The following DISP3 variants were observed in gnomAD, a reference collection of about 807,000 sequenced individuals.
DISP3 encodes dispatched RND transporter family member 3.
A neutral mutation model predicts 135.3 loss-of-function variants in DISP3; 101 were observed. The observed-to-expected ratio is 0.75, with a 90% CI of 0.64 to 0.88. The LOEUF (loss-of-function observed/expected upper bound fraction) is 0.88. Ranked by LOEUF, DISP3 falls within the 40% of genes least tolerant of loss-of-function variation. DISP3 has a pLI of 0.00. For missense variants in DISP3, 1,713 were observed against 1,878.6 expected (o/e 0.91, Z 1.63); for synonymous variants, 856 against 817.0 (o/e 1.05, Z -0.81).
Position 11,537,161 on chromosome 1 carries a change from G to A in DISP3, c.*475G>A, listed in dbSNP as rs980933966. On this transcript the variant is annotated 3_prime_UTR_variant, in exon 21 of 21. Coordinates refer to ENST00000294484, the MANE Select transcript of DISP3 (RefSeq NM_020780.2). ...CCTCCGAGCGCCATGCCGCCCTCGGGAATCATACAGGAAGAGCACAGTGGA... is the reference window on the plus strand; with the variant it reads ...CCTCCGAGCGCCATGCCGCCCTCGGAAATCATACAGGAAGAGCACAGTGGA... 1.2e-5 allele frequency: 2 copies of A among 161,474 alleles called. No individual in the cohort carries two copies. The highest frequency in any genetic ancestry group is 2.7e-5 in the Non-Finnish European group (2 of 73,828). The allele number at this position is 161,474 out of a possible 1,614,324, so 10.0% of individuals were successfully genotyped here. A position where few individuals can be genotyped will look rare whatever the true frequency, so the allele number is the denominator to read the frequency against.
In DISP3 at chr1:11,499,621, C is replaced by G. The variant is rs1641443243; in HGVS notation, c.-3-1369C>G. ...TCCTGCAAGTCTTCCGCTGCGCACC[C>G]CTCCTCTCCCCCACATCCTCAGTCA... On this transcript the variant is annotated intron_variant, in intron 1 of 20. Coordinates refer to ENST00000294484, the MANE Select transcript of DISP3 (RefSeq NM_020780.2). The surrounding 1 kb of genome is among the most constrained non-coding windows in gnomAD (Gnocchi z 5.2). Among the ~76,000 whole-genome samples the G allele has an allele frequency of 1.3e-5, 2 of 152,074 alleles. No homozygotes were observed. The highest frequency in any genetic ancestry group is 4.1e-4 in the South Asian group (2 of 4,820).
intron 18 of DISP3, chr1:11,534,752 TG>T: frequency 8.9e-6 from 7 of 784,624 alleles, no homozygotes; most frequent in Non-Finnish European, 1.2e-5. Context: ...ATCTGGACTT[TG>T]GCCACCTAAA....
In DISP3 at chr1:11,502,734, C is replaced by T. The variant is rs1641585332; in HGVS notation, c.1153C>T (p.Leu385Phe). Reference protein sequence around the residue: ...PEFYWYVDEGLSADNLKSSLL... With the variant: ...PEFYWYVDEGFSADNLKSSLL... The stretch of plus-strand genomic sequence containing the variant: ...GTTCTACTGGTATGTGGATGAGGGC[C>T]TCTCTGCAGACAATCTGAAGAGCTC... Residue 385 changes from leucine (L) to phenylalanine (F), a missense_variant, in exon 3 of 21, where the codon CTC (leucine) becomes TTC (phenylalanine). Physicochemically the swap from Leu to Phe is conservative, Grantham distance 22. Transcript: ENST00000294484. 2 of 1,614,190 alleles carry T rather than the reference C, an allele frequency of 1.2e-6. No individual in the cohort carries two copies. The highest frequency in any genetic ancestry group is 1.7e-6 in the Non-Finnish European group (2 of 1,180,036).
chr1:11,533,557 G>A (rs1231895248), intron 17 of DISP3: 11 of 532,808 alleles, frequency 2.1e-5, no homozygotes, highest in Admixed American at 3.1e-5. Context: ...GCGCCCAGCC[G>A]GTGACTGGCT....
intron 19 of DISP3, 150 bp from the exon 20 acceptor site, chr1:11,535,328 T>TA (rs1293196241): frequency 2.2e-5 from 25 of 1,162,754 alleles, no homozygotes; most frequent in Non-Finnish European, 1.8e-5. Context: ...AGTGATGTGT[T>TA]ACTGCACCTG....
At chr1:11,512,305 A>G (rs927992431) in intron 3 of DISP3, among the ~76,000 whole-genome samples, 1 of 151,810 alleles carries the variant, frequency 6.6e-6, no homozygotes, top group Non-Finnish European at 1.5e-5. Flanking sequence ...CCAAACTTTT[A>G]TGCTCTACTT....
chr1:11,534,523 T>C lies in DISP3; in HGVS notation c.3518T>C (p.Ile1173Thr). The part of the protein sequence containing the change: ...GFQTCEHWKQ[I>T]FMEIVGVQSA... ...CAGACCTGCGAGCACTGGAAGCAGA[T>C]ATTCATGGAAATCGTAGGCAAGCGG... The change falls in exon 18 of 21, where the codon ATA becomes ACA. Residue 1173 changes from isoleucine (I) to threonine (T), a missense_variant. Physicochemically the swap from Ile to Thr is moderately conservative, Grantham distance 89. This residue lies in a region of DISP3 where 1,142 missense variants were observed against 1,384.6 expected (regional missense o/e 0.82). Coordinates refer to ENST00000294484, the MANE Select transcript of DISP3 (RefSeq NM_020780.2). The C allele has an allele frequency of 6.2e-7, 1 of 1,609,416 alleles. No homozygotes were observed. The highest frequency in any genetic ancestry group is 8.5e-7 in the Non-Finnish European group (1 of 1,176,692).
chr1:11,523,833 G>C (rs1415757177), intron 10 of DISP3, 109 bp from the exon 11 acceptor site: 1 of 797,398 alleles, frequency 1.3e-6, no homozygotes, highest in Non-Finnish European at 2.0e-6. Flanking sequence ...CAGTCCCTGG[G>C]CCCCAGTTCC....
intron 11 of DISP3, 36 bp from the exon 12 acceptor site, chr1:11,525,140 A>C (rs1642375002): frequency 1.2e-6 from 2 of 1,608,636 alleles, no homozygotes; most frequent in East Asian, 4.5e-5. Flanking sequence ...AGTCGAGGTC[A>C]AGTCCACCCC....
At position 11,514,459 on chromosome 1, in the gene DISP3, C is replaced by T. The variant is rs1397024002; in HGVS notation, c.1386C>T (p.Asp462=). The part of the protein sequence containing the change: ...DYEVRRTFNN[D]MLLAFISSSC... ...AAGTGCGCAGGACGTTCAACAATGACATGCTCCTGGCCTTCATCAGCAGCA... is the reference window on the plus strand; with the variant it reads ...AAGTGCGCAGGACGTTCAACAATGATATGCTCCTGGCCTTCATCAGCAGCA... The change falls in exon 4 of 21, where the codon GAC becomes GAT. Residue 462 remains aspartate, a synonymous_variant. Coordinates refer to ENST00000294484, the MANE Select transcript of DISP3 (RefSeq NM_020780.2). The T allele has an allele frequency of 6.2e-7, 1 of 1,613,968 alleles. No individual in the cohort carries two copies.
At chr1:11,507,342 G>A (rs1641734104) in intron 3 of DISP3, among the ~76,000 whole-genome samples, 1 of 152,130 alleles carries the variant, frequency 6.6e-6, no homozygotes, top group African/African-American at 2.4e-5. Flanking sequence ...TCCCCTGATA[G>A]GTTCCAAACT....
intron 1 of DISP3, among the ~76,000 whole-genome samples, chr1:11,488,905 CT>C (rs1424216795): frequency 6.6e-6 from 1 of 152,214 alleles, no homozygotes; most frequent in Non-Finnish European, 1.5e-5. Flanking sequence ...CAAAAATGAC[CT>C]GGAAGCTGGA....
intron 3 of DISP3, among the ~76,000 whole-genome samples, chr1:11,511,576 G>T (rs1641856478): frequency 6.6e-6 from 1 of 152,176 alleles, no homozygotes; most frequent in African/African-American, 2.4e-5. Flanking sequence ...TGCCCCTGTG[G>T]CTTTACAGGG....
At chr1:11,485,751 A>G (rs1408254378) in intron 1 of DISP3, among the ~76,000 whole-genome samples, 1 of 152,182 alleles carries the variant, frequency 6.6e-6, no homozygotes, top group African/African-American at 2.4e-5. Context: ...CTTTACAGAT[A>G]TGATCTCATT....
Position 11,534,470 on chromosome 1 carries a change from CG to C in DISP3, c.3466del (p.Glu1156ArgfsTer23). On this transcript the variant is annotated frameshift_variant, in exon 18 of 21. Transcript: ENST00000294484. LOFTEE classifies it high-confidence loss of function. ...FLQQQLQALP[E>X]GSVLRRGFQT... ...TCCAGCAGCAGCTGCAGGCCTTGCC[CG>C]AGGGCTCAGTCCTGCGCCGGGGCTT... 6.2e-7 allele frequency: 1 copy of C among 1,614,152 alleles called. No individual in the cohort carries two copies. Among genetic ancestry groups the C allele is most frequent in the Non-Finnish European group, 8.5e-7 (1 of 1,180,040 alleles).
Position 11,531,759 on chromosome 1 carries a change from G to C in DISP3, c.3375+49G>C, listed in dbSNP as rs370206369. ...GTGCCATGCTGCGTACTTGCCCGGG[G>C]TGTGCCACCTCTGATCCCAGCCCTC... On this transcript the variant is annotated intron_variant, in intron 17 of 20. Coordinates refer to ENST00000294484, the MANE Select transcript of DISP3 (RefSeq NM_020780.2). This position sits in a 1 kb window ranked among gnomAD's most constrained non-coding sequence, Gnocchi z 5.2. 2.6e-6 allele frequency: 4 copies of C among 1,547,696 alleles called. No homozygotes were observed. The highest frequency in any genetic ancestry group is 3.5e-6 in the Non-Finnish European group (4 of 1,146,880).
chr1:11,524,036 G>T lies in DISP3; in HGVS notation c.2457G>T (p.Arg819=), dbSNP rs373486745. The part of the protein sequence containing the change: ...RRGSGVPWAS[R]PEATLQDFPG... Reference sequence around the variant, plus strand: ...GCTCAGGGGTCCCCTGGGCTAGCCGGCCTGAGGCCACCCTGCAGGGTGAGC... The same window carrying T: ...GCTCAGGGGTCCCCTGGGCTAGCCGTCCTGAGGCCACCCTGCAGGGTGAGC... Residue 819 remains arginine, a synonymous_variant, in exon 11 of 21, where the codon CGG becomes CGT. Coordinates refer to ENST00000294484, the MANE Select transcript of DISP3 (RefSeq NM_020780.2). 2 of 1,612,886 alleles carry T rather than the reference G, an allele frequency of 1.2e-6. No individual in the cohort carries two copies. Among genetic ancestry groups the T allele is most frequent in the South Asian group, 1.1e-5 (1 of 91,058 alleles).
At chr1:11,488,205 G>A (rs1359532539) in intron 1 of DISP3, among the ~76,000 whole-genome samples, 2 of 152,032 alleles carry the variant, frequency 1.3e-5, no homozygotes, top group Non-Finnish European at 2.9e-5. Flanking sequence ...AGTTGGAGGG[G>A]GTCAGTACTT....
chr1:11,496,214 C>G (rs1641327263), intron 1 of DISP3, among the ~76,000 whole-genome samples: 1 of 152,066 alleles, frequency 6.6e-6, no homozygotes, highest in South Asian at 2.1e-4. Context: ...TATGAGGCTC[C>G]CTAGGGCCTG....
Sources: gnomAD v4.1 joint callset for allele counts (sites outside exome capture counted in the v4.1 genomes callset) on GRCh38, gnomAD v4.1.1 for gene constraint, gnomAD v4.1.1 regional missense constraint, Gnocchi (gnomAD v3.1) non-coding constraint, MANE v1.5 for transcripts, NCBI Gene and HGNC (gene_info 2026-07-23, HGNC 2026-07-21) for gene names.